Variants in FRMD4B observed in about 807,000 individuals in gnomAD.
FRMD4B encodes FERM domain-containing protein 4B.
A neutral mutation model predicts 141.5 loss-of-function variants in FRMD4B; 74 were observed. The ratio of observed to expected loss-of-function variants is 0.52; its 90% CI spans 0.43 to 0.63. The LOEUF (loss-of-function observed/expected upper bound fraction) is 0.63. Ranked by LOEUF, FRMD4B falls within the 30% of genes least tolerant of loss-of-function variation. The pLI, the probability that FRMD4B is intolerant of heterozygous loss-of-function variation, is 0.00. For synonymous variants in FRMD4B, 506 were observed against 467.9 expected, an observed-to-expected ratio of 1.08 and a Z score of -1.05; for missense variants, 1,366 against 1,253.4, an observed-to-expected ratio of 1.09 and a Z score of -1.36.
intron 4 of FRMD4B, among the ~76,000 whole-genome samples, chr3:69,293,327 T>A (rs1700931972): frequency 6.6e-6 from 1 of 151,896 alleles, no homozygotes; most frequent in Non-Finnish European, 1.5e-5. Flanking sequence ...TTAGTTTGAA[T>A]CCTAGCTCCA....
chr3:69,433,542 C>A (rs959786056), intron 1 of FRMD4B, among the ~76,000 whole-genome samples: 1 of 152,204 alleles, frequency 6.6e-6, no homozygotes, highest in Non-Finnish European at 1.5e-5. Context: ...CCCTCCACTC[C>A]CCCTGGATGT....
chr3:69,197,147 T>C (rs140926829), intron 12 of FRMD4B, 109 bp from the exon 13 acceptor site: 78 of 830,348 alleles, frequency 9.4e-5, no homozygotes, highest in Non-Finnish European at 1.3e-4. Context: ...ACCTGTCTTC[T>C]GTTGCAAAAA....
At chr3:69,242,908 C>T (rs1156856823) in intron 7 of FRMD4B, among the ~76,000 whole-genome samples, 4 of 149,718 alleles carry the variant, frequency 2.7e-5, no homozygotes, top group Non-Finnish European at 3.0e-5. Flanking sequence ...GCAGGAGAAT[C>T]GCTTGAACCC....
rs150135100 is a variant in FRMD4B, at chr3:69,523,811, G to A, written c.-129+18395C>T. On this transcript the variant is annotated intron_variant, in intron 1 of 5. Coordinates refer to the FRMD4B transcript ENST00000459638. ...GGATGTGGCTTCCCAGGTGAGCCAG[G>A]AAAAAATGCTGACAATGAAGACATT... 2.5e-3 allele frequency among the ~76,000 whole-genome samples: 376 copies of A among 152,198 alleles called. 3 individuals are homozygous for A. The highest frequency in any genetic ancestry group is 8.5e-3 in the African/African-American group (354 of 41,512).
intron 2 of FRMD4B, among the ~76,000 whole-genome samples, chr3:69,431,771 C>A (rs1460905057): frequency 1.3e-5 from 2 of 152,174 alleles, no homozygotes; most frequent in Non-Finnish European, 2.9e-5. Flanking sequence ...CAGGCGCCAG[C>A]ATGTGGATTT....
At chr3:69,378,112 T>G (rs1479119536) in intron 1 of FRMD4B, among the ~76,000 whole-genome samples, 1 of 151,834 alleles carries the variant, frequency 6.6e-6, no homozygotes, top group Non-Finnish European at 1.5e-5. Context: ...CAGTCACCAA[T>G]CCTACTTCTT....
Position 69,350,354 on chromosome 3 carries a change from G to A in FRMD4B, c.162+35474C>T, listed in dbSNP as rs527974722. 2.0e-5 allele frequency among the ~76,000 whole-genome samples: 3 copies of A among 152,288 alleles called. No homozygotes were observed. The East Asian group carries it at 5.8e-4, about 29-fold the overall frequency. ...TGCTGGAGAGGATGTGGAGAAATAG[G>A]AACACTTTGACACTGTTGGTGGGAC... On this transcript the variant is annotated intron_variant, in intron 1 of 22. Transcript: ENST00000398540.
At chr3:69,222,230 T>C (rs2093203034) in intron 8 of FRMD4B, among the ~76,000 whole-genome samples, 1 of 152,094 alleles carries the variant, frequency 6.6e-6, no homozygotes, top group South Asian at 2.1e-4. Context: ...CCCAGCACTT[T>C]AGGAGGCTGA....
intron 1 of FRMD4B, among the ~76,000 whole-genome samples, chr3:69,541,758 C>T (rs1436911827): frequency 2.0e-5 from 3 of 151,658 alleles, no homozygotes; most frequent in South Asian, 4.2e-4. Context: ...CCAAACGAAA[C>T]CCTTAGTGTC....
At chr3:69,386,640 T>C (rs1037222914), upstream of FRMD4B, among the ~76,000 whole-genome samples, 5 of 152,134 alleles carry the variant, frequency 3.3e-5, no homozygotes, top group African/African-American at 1.2e-4. Flanking sequence ...GAATGTTTCC[T>C]TGGTTCTGCT....
intron 11 of FRMD4B, among the ~76,000 whole-genome samples, chr3:69,205,080 A>G: frequency 6.7e-6 from 1 of 149,994 alleles, no homozygotes; most frequent in Non-Finnish European, 1.5e-5. Flanking sequence ...AAAAAGAAAA[A>G]GAGAAAAAAA....
intron 2 of FRMD4B, among the ~76,000 whole-genome samples, chr3:69,400,807 A>C (rs1469141656): frequency 6.6e-6 from 1 of 152,238 alleles, no homozygotes; most frequent in African/African-American, 2.4e-5. Context: ...GCCCCTTTCA[A>C]GAGTGCTTTG....
intron 1 of FRMD4B, among the ~76,000 whole-genome samples, chr3:69,522,938 G>C (rs1014266931): frequency 6.6e-6 from 1 of 152,236 alleles, no homozygotes; most frequent in East Asian, 1.9e-4. Flanking sequence ...AGATAATCAA[G>C]AGGTTGCAAA....
In FRMD4B at chr3:69,334,671, A is replaced by T. The variant is rs182375736; in HGVS notation, c.163-21154T>A. On this transcript the variant is annotated intron_variant, in intron 1 of 22. Transcript: ENST00000398540. ...CACTCAATGACCCCTGGGTTTCAGT[A>T]GTTGCTAAATAGGTGATTTGAAGTC... Among the ~76,000 whole-genome samples, 121 of 152,210 alleles carry T rather than the reference A, an allele frequency of 7.9e-4. 1 individual carries two copies. The highest frequency in any genetic ancestry group is 1.2e-4 in the Non-Finnish European group (8 of 68,014).
intron 2 of FRMD4B, among the ~76,000 whole-genome samples, chr3:69,406,759 GTCTC>G (rs971683296): frequency 3.3e-5 from 5 of 151,720 alleles, no homozygotes; most frequent in African/African-American, 9.7e-5. Context: ...TAGAGACAAT[GTCTC>G]TCTCTGTGTC....
intron 1 of FRMD4B, among the ~76,000 whole-genome samples, chr3:69,358,447 G>A (rs1703385419): frequency 6.6e-6 from 1 of 152,128 alleles, no homozygotes; most frequent in Non-Finnish European, 1.5e-5. Flanking sequence ...ATTAAGAGGT[G>A]GGACTGGCCA....
At chr3:69,222,988 C>T (rs2093212024) in intron 8 of FRMD4B, among the ~76,000 whole-genome samples, 1 of 152,184 alleles carries the variant, frequency 6.6e-6, no homozygotes, top group African/African-American at 2.4e-5. Context: ...AAGACTTTCT[C>T]ATTGAATGAT....
At chr3:69,203,041 A>T (rs932658143) in intron 11 of FRMD4B, among the ~76,000 whole-genome samples, 3 of 152,018 alleles carry the variant, frequency 2.0e-5, no homozygotes, top group Non-Finnish European at 4.4e-5. Flanking sequence ...GAACTGTATA[A>T]AATATTGTCA....
At chr3:69,440,332 A>T (rs1187063070) in intron 1 of FRMD4B, among the ~76,000 whole-genome samples, 2 of 152,214 alleles carry the variant, frequency 1.3e-5, no homozygotes, top group Non-Finnish European at 2.9e-5. Context: ...GTAACTTCTA[A>T]AGCATCCTAT....
Sources: gnomAD v4.1 joint callset for allele counts (sites outside exome capture counted in the v4.1 genomes callset) on GRCh38, gnomAD v4.1.1 for gene constraint, MANE v1.5 for transcripts, NCBI Gene and HGNC (gene_info 2026-07-23, HGNC 2026-07-21) for gene names.